Variants in TMEM269 observed in about 807,000 individuals in gnomAD.
TMEM269 encodes the protein transmembrane protein 269.
TMEM269 carries 12 observed loss-of-function variants against 15.8 expected under a neutral mutation model. That is an observed-to-expected ratio of 0.76 (90% CI 0.49 to 1.23). The LOEUF is 1.23. TMEM269 is among the 50% of genes most tolerant of loss of function. The probability of loss-of-function intolerance (pLI) is 0.00; values close to 1 mark genes in which losing one functional copy is unlikely to be tolerated. For synonymous variants in TMEM269, 93 were observed against 99.3 expected, an observed-to-expected ratio of 0.94 and a Z score of 0.38; for missense variants, 211 against 245.4, an observed-to-expected ratio of 0.86 and a Z score of 0.94.
In TMEM269 at chr1:42,794,801, C is replaced by T. The variant is rs575118575; in HGVS notation, c.484+188C>T. ...AAACCTACCCCCAATAGAGGACTCT[C>T]TTTTATTCATGCTATTAATATAATC... On this transcript the variant is annotated intron_variant, in intron 5 of 5. Coordinates refer to ENST00000637012, the MANE Select transcript of TMEM269 (RefSeq NM_001354602.2). 9.2e-5 allele frequency among the ~76,000 whole-genome samples: 14 copies of T among 152,244 alleles called. No individual in the cohort carries two copies. In the South Asian group the frequency reaches 2.9e-3, roughly 32 times the overall value.
rs1481343148 is a variant in TMEM269, at chr1:42,789,493, T to C, written c.-98-303T>C. On this transcript the variant is annotated intron_variant, in intron 1 of 5. Transcript: ENST00000637012. The stretch of plus-strand genomic sequence containing the variant: ...CCATGGGGCTTCAGGAGAGTCAGCA[T>C]ATGGACTGGAGGGATGTCTGTGCTG... 6 of 1,535,396 alleles carry C rather than the reference T, an allele frequency of 3.9e-6. No homozygotes were observed. The East Asian group carries it at 1.5e-4, about 38-fold the overall frequency.
chr1:42,789,532 C>T (rs1653642484), intron 1 of TMEM269: 1 of 1,521,008 alleles, frequency 6.6e-7, no homozygotes, highest in Non-Finnish European at 8.8e-7. Context: ...GGCAAAGGTG[C>T]AGTCAGAGAG....
Position 42,794,469 on chromosome 1 carries a change from T to A in TMEM269, c.340T>A (p.Ser114Thr), listed in dbSNP as rs749946810. 5 of 1,550,658 alleles carry A rather than the reference T, an allele frequency of 3.2e-6. 1 individual carries two copies. The South Asian group carries it at 5.9e-5, about 18-fold the overall frequency. Residue 114 changes from serine (S) to threonine (T), a missense_variant, in exon 5 of 6, where the codon TCC becomes ACC. Transcript: ENST00000637012. The part of the protein sequence containing the change: ...PCPYASCILA[S>T]TSLLTKGNRF... ...CCCCTATGCTTCCTGCATCTTGGCT[T>A]CCACCTCCCTTCTGACCAAAGGCAA...
At chr1:42,785,497 C>T (rs1023801207) in intron 1 of TMEM269, among the ~76,000 whole-genome samples, 1 of 152,226 alleles carries the variant, frequency 6.6e-6, no homozygotes, top group African/African-American at 2.4e-5. Flanking sequence ...CTCCTCACGT[C>T]CACCCTCCTC....
Position 42,798,169 on chromosome 1 carries a change from A to G in TMEM269, c.556A>G (p.Ile186Val). The change falls in exon 6 of 6, where the codon ATC becomes GTC. Residue 186 changes from isoleucine (I) to valine (V), a missense_variant. Coordinates refer to ENST00000637012, the MANE Select transcript of TMEM269 (RefSeq NM_001354602.2). ...CTGCCTGATGTGGTCGCTCTCGTAC[A>G]TCTTCTTTCCAGATGCTCTGTGGGG... is the stretch of plus-strand genomic sequence containing the variant. ...FYCLMWSLSY[I>V]FFPDALWGKA... The G allele has an allele frequency of 6.5e-7, 1 of 1,550,324 alleles. No individual in the cohort carries two copies. The highest frequency in any genetic ancestry group is 8.7e-7 in the Non-Finnish European group (1 of 1,147,114).
rs1415182629 is a variant in TMEM269 at position 42,800,496 on chromosome 1, C to T, written c.*2271C>T. The T allele has an allele frequency of 6.6e-6, 1 of 152,204 alleles. No homozygotes were observed. Among genetic ancestry groups the T allele is most frequent in the Admixed American group, 6.5e-5 (1 of 15,276 alleles). 9.4% of individuals were successfully genotyped at this position (152,204 alleles called of 1,614,324 possible). ...AAGCCAGTGGGGTTTAGGCAGTTCT[C>T]TTTGTCCTAAGCTTGAGAGAGAGTG... On this transcript the variant is annotated 3_prime_UTR_variant, in exon 6 of 6. Transcript: ENST00000637012.
In TMEM269 at chr1:42,788,037, C is replaced by G. The variant is rs941030739; in HGVS notation, c.-98-1759C>G. On this transcript the variant is annotated intron_variant, in intron 1 of 5. Coordinates refer to ENST00000637012, the MANE Select transcript of TMEM269 (RefSeq NM_001354602.2). This position sits in a 1 kb window ranked among gnomAD's most constrained non-coding sequence, Gnocchi z 4.0. ...GAACGTCTTAGGAATCCCAATGGCTCTGGCCATGTAGCTACTGATCACCTT... is the reference window on the plus strand; with the variant it reads ...GAACGTCTTAGGAATCCCAATGGCTGTGGCCATGTAGCTACTGATCACCTT... 6.6e-6 allele frequency: 1 copy of G among 152,406 alleles called. No individual in the cohort carries two copies. Among genetic ancestry groups the G allele is most frequent in the Admixed American group, 6.5e-5 (1 of 15,292 alleles). The allele number at this position is 152,406 out of a possible 1,614,324, so 9.4% of individuals were successfully genotyped here.
rs375220738 is a variant in TMEM269, at chr1:42,794,508, T to C, written c.379T>C (p.Cys127Arg). The C allele has an allele frequency of 5.8e-5, 90 of 1,550,810 alleles. No homozygotes were observed. In the African/African-American group the frequency reaches 1.1e-3, roughly 20 times the overall value. ...LLTKGNRFIL[C>R]CMASLMILFM... The stretch of plus-strand genomic sequence containing the variant: ...GACCAAAGGCAACAGGTTCATCCTC[T>C]GCTGCATGGCCTCACTCATGATTCT... Residue 127 changes from cysteine to arginine, a missense_variant, in exon 5 of 6, where the codon TGC becomes CGC. By Grantham distance (180) the Cys-to-Arg change is radical (BLOSUM62 -3). Transcript: ENST00000637012.
Position 42,798,600 on chromosome 1 carries a change from G to A in TMEM269, c.*375G>A, listed in dbSNP as rs1159050260. On this transcript the variant is annotated 3_prime_UTR_variant, in exon 6 of 6. Coordinates refer to ENST00000637012, the MANE Select transcript of TMEM269 (RefSeq NM_001354602.2). ...AGAACTGGTATTGGCCTCAGCCTCA[G>A]CCCTGCCTGGTGGGGCTTCCTGAAG... is the stretch of plus-strand genomic sequence containing the variant. The A allele has an allele frequency of 5.1e-6, 1 of 196,024 alleles. No individual in the cohort carries two copies. The highest frequency in any genetic ancestry group is 1.1e-5 in the Non-Finnish European group (1 of 93,892). The allele number at this position is 196,024 out of a possible 1,614,324, so 12.1% of individuals were successfully genotyped here.
intron 5 of TMEM269, 25 bp from the exon 6 acceptor site, chr1:42,798,073 G>C: frequency 1.3e-6 from 2 of 1,551,028 alleles, no homozygotes; most frequent in Non-Finnish European, 8.7e-7. Flanking sequence ...TAGAAATTGA[G>C]TGTCTGCACT....
chr1:42,789,244 C>T (rs910452326), intron 1 of TMEM269: 15 of 588,278 alleles, frequency 2.5e-5, no homozygotes, highest in Admixed American at 1.8e-4. Flanking sequence ...TTTAATCTGC[C>T]GTCTCTTTCC....
Position 42,798,349 on chromosome 1 carries a change from C to A in TMEM269, c.*124C>A. On this transcript the variant is annotated 3_prime_UTR_variant, in exon 6 of 6. Coordinates refer to ENST00000637012, the MANE Select transcript of TMEM269 (RefSeq NM_001354602.2). ...GCCATATACTAGATATATGGTATGT[C>A]TGTTGCCATGAAGTTAGAAACCCAA... 1 of 1,282,932 alleles carries A rather than the reference C, an allele frequency of 7.8e-7. No homozygotes were observed. Among genetic ancestry groups the A allele is most frequent in the Non-Finnish European group, 1.0e-6 (1 of 952,476 alleles). The allele number at this position is 1,282,932 out of a possible 1,614,324, so 79.5% of individuals were successfully genotyped here. A position where few individuals can be genotyped will look rare whatever the true frequency, so the allele number is the denominator to read the frequency against.
chr1:42,795,764 T>G (rs1375880148), intron 5 of TMEM269, among the ~76,000 whole-genome samples: 1 of 152,216 alleles, frequency 6.6e-6, no homozygotes, highest in Non-Finnish European at 1.5e-5. Flanking sequence ...AATGTGCTCC[T>G]GTAAACAAGA....
intron 2 of TMEM269, among the ~76,000 whole-genome samples, chr1:42,791,720 G>C (rs1199614546): frequency 2.6e-5 from 4 of 152,184 alleles, no homozygotes; most frequent in African/African-American, 4.8e-5. Flanking sequence ...GTAAAAATCA[G>C]GCCGGGCGCA....
chr1:42,792,840 G>A lies in TMEM269; in HGVS notation c.77G>A (p.Ser26Asn). The A allele has an allele frequency of 6.4e-7, 1 of 1,550,610 alleles. No homozygotes were observed. Among genetic ancestry groups the A allele is most frequent in the Non-Finnish European group, 8.7e-7 (1 of 1,147,012 alleles). Residue 26 changes from serine (S) to asparagine (N), a missense_variant, in exon 3 of 6, where the codon AGC (serine) becomes AAC (asparagine). Ser to Asn is a conservative substitution (Grantham distance 46, BLOSUM62 1). Coordinates refer to ENST00000637012, the MANE Select transcript of TMEM269 (RefSeq NM_001354602.2). ...CHYASRMLLVSFLLDMAVRAM... is the reference protein window; with the variant it reads ...CHYASRMLLVNFLLDMAVRAM... The stretch of plus-strand genomic sequence containing the variant: ...TATGCCTCCCGGATGCTCCTGGTCA[G>A]CTTCCTGTTAGACATGGCAGTCAGG...
chr1:42,786,966 A>G (rs781669727), intron 1 of TMEM269, among the ~76,000 whole-genome samples: 16 of 152,236 alleles, frequency 1.1e-4, no homozygotes, highest in Non-Finnish European at 1.5e-4. Flanking sequence ...CATTTACTGG[A>G]CAAGTCACAT....
Position 42,798,460 on chromosome 1 carries a change from A to T in TMEM269, c.*235A>T, listed in dbSNP as rs1294247597. ...AATACTTGTTTATGTCATGTAGAGC[A>T]GAATATCCCCCCGCCTCAAGCTCAA... On this transcript the variant is annotated 3_prime_UTR_variant, in exon 6 of 6. Transcript: ENST00000637012. 5.8e-6 allele frequency: 3 copies of T among 513,776 alleles called. No individual in the cohort carries two copies. Among genetic ancestry groups the T allele is most frequent in the Non-Finnish European group, 1.0e-5 (3 of 290,348 alleles). 31.8% of individuals were successfully genotyped at this position (513,776 alleles called of 1,614,324 possible). A position where few individuals can be genotyped will look rare whatever the true frequency, so the allele number is the denominator to read the frequency against.
At chr1:42,790,036 C>A in intron 2 of TMEM269, 102 bp downstream of exon 2, 2 of 852,354 alleles carry the variant, frequency 2.3e-6, no homozygotes, top group South Asian at 1.5e-5. Flanking sequence ...CATAGGAATC[C>A]ACAGTGTACC....
rs1243587820 is a variant in TMEM269 at position 42,794,485 on chromosome 1, C to A, written c.356C>A (p.Thr119Asn). Residue 119 changes from threonine (T) to asparagine (N), a missense_variant, in exon 5 of 6, where the codon ACC (threonine) becomes AAC (asparagine). Coordinates refer to ENST00000637012, the MANE Select transcript of TMEM269 (RefSeq NM_001354602.2). Reference sequence around the variant, plus strand: ...ATCTTGGCTTCCACCTCCCTTCTGACCAAAGGCAACAGGTTCATCCTCTGC... The same window carrying A: ...ATCTTGGCTTCCACCTCCCTTCTGAACAAAGGCAACAGGTTCATCCTCTGC... ...SCILASTSLL[T>N]KGNRFILCCM... 5 of 1,550,658 alleles carry A rather than the reference C, an allele frequency of 3.2e-6. No individual in the cohort carries two copies. In the South Asian group the frequency reaches 5.9e-5, roughly 18 times the overall value.
Sources: gnomAD v4.1 joint callset for allele counts (sites outside exome capture counted in the v4.1 genomes callset) on GRCh38, gnomAD v4.1.1 for gene constraint, Gnocchi (gnomAD v3.1) non-coding constraint, MANE v1.5 for transcripts, NCBI Gene and HGNC (gene_info 2026-07-23, HGNC 2026-07-21) for gene names.